Variants in CSMD1 observed in about 807,000 individuals in gnomAD.
CSMD1 encodes CUB and sushi domain-containing protein 1.
A neutral mutation model predicts 417.5 loss-of-function variants in CSMD1; 213 were observed. The observed-to-expected ratio is 0.51, with a 90% CI of 0.46 to 0.57. CSMD1 has a LOEUF of 0.57. Ranked by LOEUF, CSMD1 falls within the 20% of genes least tolerant of loss-of-function variation. The pLI is 0.00. For missense variants in CSMD1, 6,923 were observed against 4,529.7 expected, an observed-to-expected ratio of 1.53 and a Z score of -15.17; for synonymous variants, 2,862 against 1,736.8, an observed-to-expected ratio of 1.65 and a Z score of -16.11.
chr8:4,136,288 C>T (rs186933378), intron 3 of CSMD1, among the ~76,000 whole-genome samples: 3 of 152,284 alleles, frequency 2.0e-5, no homozygotes, highest in Admixed American at 2.0e-4. Flanking sequence ...CACACAGGGA[C>T]CATCTTTTTT....
intron 3 of CSMD1, among the ~76,000 whole-genome samples, chr8:4,164,328 A>G (rs995475142): frequency 6.6e-6 from 1 of 152,204 alleles, no homozygotes; most frequent in African/African-American, 2.4e-5. Context: ...TTAAAAACAT[A>G]TCTAAATAGT....
chr8:3,385,420 A>G (rs1810948032), intron 18 of CSMD1, among the ~76,000 whole-genome samples: 3 of 151,540 alleles, frequency 2.0e-5, no homozygotes, highest in Non-Finnish European at 4.4e-5. Flanking sequence ...TTGACCTGTT[A>G]TCCTGAATGC....
chr8:4,703,385 C>T (rs71523642), intron 1 of CSMD1, among the ~76,000 whole-genome samples: 3,295 of 152,200 alleles, frequency 0.022, 36 homozygotes, highest in Non-Finnish European at 0.027. Context: ...GAAGAAATAG[C>T]GATGGACTCA....
At chr8:4,260,284 G>A (rs946211720) in intron 3 of CSMD1, among the ~76,000 whole-genome samples, 25 of 152,034 alleles carry the variant, frequency 1.6e-4, no homozygotes, top group African/African-American at 5.6e-4. Context: ...GTTTGTATTT[G>A]TTCATTGAAC....
chr8:3,697,775 T>A (rs1308882833), intron 7 of CSMD1, among the ~76,000 whole-genome samples: 1 of 152,216 alleles, frequency 6.6e-6, no homozygotes, highest in African/African-American at 2.4e-5. Context: ...AATGCACTTC[T>A]AAAAAGTAGT....
At chr8:3,446,409 T>C (rs1295659410) in intron 12 of CSMD1, among the ~76,000 whole-genome samples, 1 of 152,224 alleles carries the variant, frequency 6.6e-6, no homozygotes, top group East Asian at 1.9e-4. Flanking sequence ...TCCTCTCTGT[T>C]TTAATACAAT....
intron 5 of CSMD1, among the ~76,000 whole-genome samples, chr8:3,876,284 A>C (rs1805811718): frequency 6.6e-6 from 1 of 152,158 alleles, no homozygotes; most frequent in Non-Finnish European, 1.5e-5. Context: ...TTACCTTAGA[A>C]GTTTTTAGAA....
chr8:3,428,175 T>G (rs527691593), intron 12 of CSMD1, among the ~76,000 whole-genome samples: 31 of 152,300 alleles, frequency 2.0e-4, no homozygotes, highest in African/African-American at 6.5e-4. Flanking sequence ...AACTATATGG[T>G]TGGGGACCTA....
intron 49 of CSMD1, among the ~76,000 whole-genome samples, chr8:3,064,591 A>G (rs1222170491): frequency 6.6e-6 from 1 of 152,220 alleles, no homozygotes; most frequent in East Asian, 1.9e-4. Context: ...AATAGTAAAC[A>G]CAGAAAATAA....
intron 2 of CSMD1, among the ~76,000 whole-genome samples, chr8:4,610,081 G>C (rs896519918): frequency 1.3e-5 from 2 of 151,306 alleles, no homozygotes; most frequent in African/African-American, 4.8e-5. Context: ...CTATAAGGAT[G>C]CTCCCCTACC....
At position 4,083,284 on chromosome 8, in the gene CSMD1, C is replaced by G. The variant is rs926123417; in HGVS notation, c.416-51185G>C. On this transcript the variant is annotated intron_variant, in intron 3 of 69. Coordinates refer to ENST00000635120, the MANE Select transcript of CSMD1 (RefSeq NM_033225.6). ...CAACCTCTCCAGCACCTGTCGTTTC[C>G]TGACTTTTTAATGATCGCCATTCTA... 2.6e-5 allele frequency among the ~76,000 whole-genome samples: 4 copies of G among 152,120 alleles called. No homozygotes were observed. In the East Asian group the frequency reaches 7.7e-4, roughly 29 times the overall value.
intron 5 of CSMD1, among the ~76,000 whole-genome samples, chr8:3,770,634 A>T (rs1217733239): frequency 6.6e-6 from 1 of 152,192 alleles, no homozygotes; most frequent in Non-Finnish European, 1.5e-5. Flanking sequence ...GTCTGAAAGG[A>T]AAATTGTTTT....
At chr8:3,218,610 G>A (rs994916395) in intron 29 of CSMD1, among the ~76,000 whole-genome samples, 3 of 150,788 alleles carry the variant, frequency 2.0e-5, no homozygotes, top group Non-Finnish European at 2.9e-5. Context: ...GGTGACTCAC[G>A]TCTATAATCA....
At chr8:4,975,180 T>A (rs1380682556) in intron 1 of CSMD1, among the ~76,000 whole-genome samples, 8 of 152,216 alleles carry the variant, frequency 5.3e-5, no homozygotes, top group Non-Finnish European at 1.0e-4. Flanking sequence ...GTCCTACTGT[T>A]TTTAATTCAC....
rs190744522 is a variant in CSMD1 at position 4,935,745 on chromosome 8, A to G, written c.85+58587T>C. On this transcript the variant is annotated intron_variant, in intron 1 of 69. Transcript: ENST00000635120. The stretch of plus-strand genomic sequence containing the variant: ...AGGCATTTTGATAGAAGAAAATAAA[A>G]TCTGAGAAGTTCTTCTGTGATTAGA... 2.6e-3 allele frequency among the ~76,000 whole-genome samples: 400 copies of G among 152,302 alleles called. 3 individuals are homozygous for G. Among genetic ancestry groups the G allele is most frequent in the Non-Finnish European group, 4.8e-3 (325 of 68,022 alleles).
At chr8:4,613,425 A>G (rs1801296185) in intron 2 of CSMD1, among the ~76,000 whole-genome samples, 1 of 152,172 alleles carries the variant, frequency 6.6e-6, no homozygotes, top group Non-Finnish European at 1.5e-5. Context: ...CTACTCATGA[A>G]CTAGGTTAGT....
intron 3 of CSMD1, among the ~76,000 whole-genome samples, chr8:4,164,596 A>C (rs1474502992): frequency 2.0e-5 from 3 of 152,152 alleles, no homozygotes; most frequent in Non-Finnish European, 4.4e-5. Context: ...TCATAGTAGT[A>C]ATTTATTTAG....
rs754229419 is a variant in CSMD1, at chr8:3,409,414, A to T, written c.1744+9T>A. 14 of 1,603,624 alleles carry T rather than the reference A, an allele frequency of 8.7e-6. No individual in the cohort carries two copies. In the Middle Eastern group the frequency reaches 6.6e-4, roughly 76 times the overall value. On this transcript the variant is annotated intron_variant, in intron 13 of 69. Coordinates refer to ENST00000635120, the MANE Select transcript of CSMD1 (RefSeq NM_033225.6). Reference sequence around the variant, plus strand: ...CAGGAGGGAGTCCAGGTCAAGGCATAATACTCACATACACAGCTGGGCTTG... The same window carrying T: ...CAGGAGGGAGTCCAGGTCAAGGCATTATACTCACATACACAGCTGGGCTTG...
chr8:4,588,006 A>G (rs1799789743), intron 2 of CSMD1, among the ~76,000 whole-genome samples: 1 of 152,214 alleles, frequency 6.6e-6, no homozygotes, highest in Non-Finnish European at 1.5e-5. Context: ...TCGTGAATGC[A>G]GCACCATTTA....
Sources: allele counts gnomAD v4.1 joint callset (sites outside exome capture counted in the v4.1 genomes callset), GRCh38; gene constraint gnomAD v4.1.1; transcripts MANE v1.5; gene names NCBI Gene and HGNC (gene_info 2026-07-23, HGNC 2026-07-21).